The following RAD51B variants were observed in gnomAD, a reference collection of about 807,000 sequenced individuals.
RAD51B encodes the protein RAD51 paralog B.
A neutral mutation model predicts 42.2 loss-of-function variants in RAD51B; 38 were observed. The observed-to-expected ratio is 0.90, with a 90% CI of 0.70 to 1.18. RAD51B has a LOEUF of 1.18. Ranked by LOEUF, RAD51B falls within the 50% of genes most tolerant of loss-of-function variation. The pLI is 0.00. For synonymous variants in RAD51B, 154 were observed against 145.2 expected (o/e 1.06, Z -0.43); for missense variants, 373 against 400.7 (o/e 0.93, Z 0.59).
At chr14:68,270,247 T>A (rs1459850561) in intron 7 of RAD51B, among the ~76,000 whole-genome samples, 1 of 152,180 alleles carries the variant, frequency 6.6e-6, no homozygotes, top group Non-Finnish European at 1.5e-5. Context: ...ATAAAATTTG[T>A]TTGTGACCTG....
intron 8 of RAD51B, among the ~76,000 whole-genome samples, chr14:68,384,429 A>G (rs1308343959): frequency 1.3e-5 from 2 of 152,220 alleles, no homozygotes; most frequent in Non-Finnish European, 2.9e-5. Context: ...ACCTGGAAGC[A>G]ATGACCATTG....
At chr14:68,203,195 G>A (rs1282037285) in intron 7 of RAD51B, among the ~76,000 whole-genome samples, 2 of 152,120 alleles carry the variant, frequency 1.3e-5, no homozygotes, top group African/African-American at 2.4e-5. Flanking sequence ...ATCTGTGGCA[G>A]CTATAACCTT....
At chr14:68,090,893 TTCCTGTG>T (rs1262711724) in intron 7 of RAD51B, among the ~76,000 whole-genome samples, 1 of 117,696 alleles carries the variant, frequency 8.5e-6, no homozygotes, top group Non-Finnish European at 1.6e-5. Context: ...GATGTTCCCC[TTCCTGTG>T]TCCATGTGTT....
At chr14:68,588,690 G>A (rs148083767) in intron 10 of RAD51B, among the ~76,000 whole-genome samples, 16 of 152,270 alleles carry the variant, frequency 1.1e-4, no homozygotes, top group African/African-American at 2.2e-4. Flanking sequence ...GAGTAGTATC[G>A]AGTCTGGATT....
At chr14:68,673,511 C>T (rs1893209994) in intron 11 of RAD51B, among the ~76,000 whole-genome samples, 1 of 150,768 alleles carries the variant, frequency 6.6e-6, no homozygotes, top group South Asian at 2.1e-4. Context: ...CATGTATGTA[C>T]ACACATATGT....
intron 7 of RAD51B, among the ~76,000 whole-genome samples, chr14:68,083,917 G>C (rs2076949322): frequency 6.6e-6 from 1 of 152,122 alleles, no homozygotes; most frequent in Non-Finnish European, 1.5e-5. Flanking sequence ...ATTATGGTTG[G>C]TTAAATAAAG....
At chr14:68,585,783 G>C (rs1203663524) in intron 10 of RAD51B, among the ~76,000 whole-genome samples, 3 of 152,190 alleles carry the variant, frequency 2.0e-5, no homozygotes, top group Admixed American at 2.0e-4. Flanking sequence ...GTGGGCAGAC[G>C]CCTGGCTGGG....
intron 8 of RAD51B, among the ~76,000 whole-genome samples, chr14:68,306,057 C>A (rs2081854643): frequency 6.6e-6 from 1 of 152,190 alleles, no homozygotes; most frequent in African/African-American, 2.4e-5. Context: ...CCACATCCGT[C>A]CCTCCCCTCT....
At chr14:68,243,074 T>C (rs2141006017) in intron 7 of RAD51B, among the ~76,000 whole-genome samples, 1 of 152,326 alleles carries the variant, frequency 6.6e-6, no homozygotes, top group East Asian at 1.9e-4. Context: ...GTGTGCATCA[T>C]ATATTATTTA....
At chr14:68,073,965 C>T (rs1165762368) in intron 7 of RAD51B, among the ~76,000 whole-genome samples, 1 of 152,100 alleles carries the variant, frequency 6.6e-6, no homozygotes, top group Non-Finnish European at 1.5e-5. Context: ...TATTTTTTCT[C>T]TCACATTGAT....
chr14:68,491,921 G>A (rs757697301), intron 10 of RAD51B, among the ~76,000 whole-genome samples: 1 of 152,184 alleles, frequency 6.6e-6, no homozygotes, highest in Non-Finnish European at 1.5e-5. Flanking sequence ...CAGAGTGAAA[G>A]TGGAGTCCTT....
chr14:68,590,068 A>G (rs1055464101), intron 10 of RAD51B, among the ~76,000 whole-genome samples: 3 of 152,072 alleles, frequency 2.0e-5, no homozygotes, highest in Non-Finnish European at 4.4e-5. Flanking sequence ...CACACTTCAC[A>G]TTCATCCTCT....
At chr14:68,343,115 G>A (rs1010501199) in intron 8 of RAD51B, among the ~76,000 whole-genome samples, 5 of 107,026 alleles carry the variant, frequency 4.7e-5, no homozygotes, top group Admixed American at 1.0e-4. Context: ...GATATCCATC[G>A]CTCCAAATAC....
At chr14:68,297,357 C>T (rs765049177) in intron 8 of RAD51B, among the ~76,000 whole-genome samples, 7 of 152,130 alleles carry the variant, frequency 4.6e-5, no homozygotes, top group Admixed American at 3.3e-4. Context: ...CTTTCATTTC[C>T]GATAAAAAAC....
intron 1 of RAD51B, among the ~76,000 whole-genome samples, chr14:67,821,492 C>G (rs2040624912): frequency 1.3e-5 from 2 of 152,190 alleles, no homozygotes; most frequent in Non-Finnish European, 2.9e-5. Flanking sequence ...GGGTCTCAGT[C>G]TGTTCCCCAG....
chr14:68,067,179 T>C (rs1021396618), intron 7 of RAD51B, among the ~76,000 whole-genome samples: 4 of 152,118 alleles, frequency 2.6e-5, no homozygotes, highest in African/African-American at 9.7e-5. Flanking sequence ...ACATAATGTT[T>C]TGGCTGGTCA....
At chr14:68,550,333 T>G (rs1245077293) in intron 10 of RAD51B, among the ~76,000 whole-genome samples, 1 of 152,240 alleles carries the variant, frequency 6.6e-6, no homozygotes, top group Admixed American at 6.5e-5. Flanking sequence ...TTGGGGGACC[T>G]TAAGTGATTA....
At chr14:68,313,139 T>C (rs1424277428) in intron 8 of RAD51B, among the ~76,000 whole-genome samples, 1 of 152,226 alleles carries the variant, frequency 6.6e-6, no homozygotes, top group Non-Finnish European at 1.5e-5. Context: ...CTGATCACAA[T>C]TGCAACTGCT....
chr14:68,478,762 T>C (rs902459219), downstream of RAD51B, among the ~76,000 whole-genome samples: 11 of 152,238 alleles, frequency 7.2e-5, no homozygotes, highest in African/African-American at 2.7e-4. Flanking sequence ...ATGTCTCCTA[T>C]GAGTGCCCAA....
Sources: gnomAD v4.1 joint callset for allele counts (sites outside exome capture counted in the v4.1 genomes callset) on GRCh38, gnomAD v4.1.1 for gene constraint, MANE v1.5 for transcripts, NCBI Gene and HGNC (gene_info 2026-07-23, HGNC 2026-07-21) for gene names.